PIGF: variants seen among roughly 807,000 people sequenced by gnomAD.
PIGF encodes phosphatidylinositol glycan anchor biosynthesis class F.
PIGF carries 23 observed loss-of-function variants against 26.0 expected under a neutral mutation model. That is an observed-to-expected ratio of 0.88 (90% CI 0.64 to 1.25). The LOEUF (loss-of-function observed/expected upper bound fraction) is 1.25, where lower values mean the gene tolerates loss of function less well. Ranked by LOEUF, PIGF falls within the 50% of genes most tolerant of loss-of-function variation. The pLI is 0.00. For synonymous variants in PIGF, 93 were observed against 92.6 expected (o/e 1.00, Z -0.03); for missense variants, 278 against 249.9 (o/e 1.11, Z -0.76).
At chr2:46,607,561 C>T (rs1179749773) in intron 4 of PIGF, among the ~76,000 whole-genome samples, 3 of 152,160 alleles carry the variant, frequency 2.0e-5, no homozygotes. Flanking sequence ...TTTAAAAATA[C>T]TTTATTACTA....
At chr2:46,610,592 C>T (rs1670380339) in intron 4 of PIGF, among the ~76,000 whole-genome samples, 1 of 135,048 alleles carries the variant, frequency 7.4e-6, no homozygotes, top group East Asian at 2.1e-4. Flanking sequence ...TCCAGTGGTG[C>T]GATCTCGGCT....
rs184608086 is a variant in PIGF at position 46,588,515 on chromosome 2, C to T, written c.546+3960G>A. On this transcript the variant is annotated intron_variant, in intron 5 of 5. Coordinates refer to ENST00000281382, the MANE Select transcript of PIGF (RefSeq NM_002643.4). The surrounding 1 kb of genome is among the most constrained non-coding windows in gnomAD (Gnocchi z 4.1). ...GAGGGATTTTATTATTTCATCCTCA[C>T]TAGCAAGTGACAAAGCCAGGATTTC... 6 of 177,402 alleles carry T rather than the reference C, an allele frequency of 3.4e-5. No homozygotes were observed. Among genetic ancestry groups the T allele is most frequent in the African/African-American group, 1.2e-4 (5 of 41,964 alleles). The allele number at this position is 177,402 out of a possible 1,614,324, so 11.0% of individuals were successfully genotyped here. A position where few individuals can be genotyped will look rare whatever the true frequency, so the allele number is the denominator to read the frequency against.
Position 46,615,106 on chromosome 2 carries a change from A to G in PIGF, c.59T>C (p.Ile20Thr). 6.3e-7 allele frequency: 1 copy of G among 1,587,164 alleles called. No homozygotes were observed. Among genetic ancestry groups the G allele is most frequent in the South Asian group, 1.1e-5 (1 of 90,478 alleles). The change falls in exon 2 of 6, where the codon ATT (isoleucine) becomes ACT (threonine). Residue 20 changes from isoleucine (I) to threonine (T), a missense_variant. Ile to Thr is a moderately conservative substitution (Grantham distance 89). Transcript: ENST00000281382. Reference sequence around the variant, plus strand: ...TGATGGAATGAAGACACTTAGGATAATTGAAAATATGCATAAAAGATGGGT... The same window carrying G: ...TGATGGAATGAAGACACTTAGGATAGTTGAAAATATGCATAAAAGATGGGT... ...LYTHLLCIFS[I>T]ILSVFIPSLF...
intron 4 of PIGF, among the ~76,000 whole-genome samples, chr2:46,610,254 G>C (rs1221520301): frequency 1.3e-5 from 2 of 152,050 alleles, no homozygotes. Context: ...CATTATAGCA[G>C]AACTAATTGT....
intron 4 of PIGF, among the ~76,000 whole-genome samples, chr2:46,601,435 G>A (rs1670051497): frequency 6.6e-6 from 1 of 152,064 alleles, no homozygotes; most frequent in African/African-American, 2.4e-5. Context: ...AGACACCTGA[G>A]GGTAGTTCAT....
intron 5 of PIGF, chr2:46,582,951 C>T (rs942428520): frequency 6.6e-6 from 1 of 152,150 alleles, no homozygotes; most frequent in Non-Finnish European, 1.5e-5. Context: ...GTATCATGGC[C>T]TTATGTATGC....
Position 46,612,348 on chromosome 2 carries a change from GAAA to G in PIGF, c.321-7_321-5del. 4 of 833,682 alleles carry G rather than the reference GAAA, an allele frequency of 4.8e-6. No homozygotes were observed. The highest frequency in any genetic ancestry group is 7.2e-5 in the East Asian group (2 of 27,860). 51.6% of individuals were successfully genotyped at this position (833,682 alleles called of 1,614,324 possible). A position where few individuals can be genotyped will look rare whatever the true frequency, so the allele number is the denominator to read the frequency against. On this transcript the variant is annotated splice_polypyrimidine_tract_variant and splice_region_variant and intron_variant, in intron 3 of 5. Coordinates refer to ENST00000281382, the MANE Select transcript of PIGF (RefSeq NM_002643.4). ...TAAAAATGTTTCCAATGCCAACCTA[GAAA>G]AAAAAAAAGATTACTTTTTAAAAAA...
intron 4 of PIGF, among the ~76,000 whole-genome samples, chr2:46,605,194 A>T (rs927894516): frequency 1.3e-5 from 2 of 152,098 alleles, no homozygotes; most frequent in South Asian, 2.1e-4. Context: ...TCAACGAGTT[A>T]ATCTAATTAT....
intron 4 of PIGF, among the ~76,000 whole-genome samples, chr2:46,611,192 G>C (rs112072262): frequency 6.6e-5 from 10 of 152,144 alleles, no homozygotes; most frequent in African/African-American, 2.2e-4. Context: ...CTCAGCAAAA[G>C]AATCCTCCTA....
At chr2:46,596,105 T>G (rs1473740042) in intron 4 of PIGF, among the ~76,000 whole-genome samples, 1 of 151,210 alleles carries the variant, frequency 6.6e-6, no homozygotes, top group Admixed American at 6.6e-5. Flanking sequence ...TCCCAGCTAC[T>G]CGGGAGGCTG....
intron 4 of PIGF, among the ~76,000 whole-genome samples, chr2:46,606,928 A>C (rs1313897137): frequency 1.3e-5 from 2 of 152,224 alleles, no homozygotes; most frequent in Non-Finnish European, 2.9e-5. Context: ...AGCCACAAAA[A>C]GGAATGAAGT....
chr2:46,613,932 C>G, intron 2 of PIGF, 147 bp from the exon 3 acceptor site: 1 of 662,894 alleles, frequency 1.5e-6, no homozygotes, highest in Non-Finnish European at 2.6e-6. Context: ...ATCACATGTC[C>G]TGTACCGTCA....
chr2:46,593,234 G>A (rs1294474737), intron 4 of PIGF, among the ~76,000 whole-genome samples: 1 of 150,480 alleles, frequency 6.6e-6, no homozygotes, highest in Non-Finnish European at 1.5e-5. Flanking sequence ...CCGGGTTCAA[G>A]CGATTCTCCT....
At chr2:46,610,201 C>T (rs753236047) in intron 4 of PIGF, among the ~76,000 whole-genome samples, 1 of 152,140 alleles carries the variant, frequency 6.6e-6, no homozygotes, top group Non-Finnish European at 1.5e-5. Flanking sequence ...GTTTTTACTG[C>T]CCATTTTGTA....
intron 4 of PIGF, among the ~76,000 whole-genome samples, chr2:46,611,050 A>G (rs1260996105): frequency 6.6e-6 from 1 of 152,070 alleles, no homozygotes; most frequent in Non-Finnish European, 1.5e-5. Flanking sequence ...TCCATCATAG[A>G]TCATTCCCAT....
intron 4 of PIGF, among the ~76,000 whole-genome samples, chr2:46,598,411 G>A (rs1419428675): frequency 6.6e-6 from 1 of 151,886 alleles, no homozygotes; most frequent in Non-Finnish European, 1.5e-5. Context: ...AATCTACAGA[G>A]ATAGAAAATA....
At chr2:46,585,681 A>G (rs765013209) in intron 5 of PIGF, among the ~76,000 whole-genome samples, 5 of 152,262 alleles carry the variant, frequency 3.3e-5, no homozygotes, top group Non-Finnish European at 5.9e-5. Flanking sequence ...CTACTATGTA[A>G]TAAGTAGAAC....
rs1405110380 is a variant in PIGF at position 46,589,848 on chromosome 2, C to A, written c.546+2627G>T. On this transcript the variant is annotated intron_variant, in intron 5 of 5. Coordinates refer to ENST00000281382, the MANE Select transcript of PIGF (RefSeq NM_002643.4). The surrounding 1 kb of genome is among the most constrained non-coding windows in gnomAD (Gnocchi z 4.7). ...AAAATAACAATAACAAAAAAACAAA[C>A]AACCTTGTTTGCTGGAAATAAAAAG... is the stretch of plus-strand genomic sequence containing the variant. 6.6e-6 allele frequency among the ~76,000 whole-genome samples: 1 copy of A among 151,754 alleles called. No individual in the cohort carries two copies. Among genetic ancestry groups the A allele is most frequent in the Admixed American group, 6.6e-5 (1 of 15,250 alleles).
intron 4 of PIGF, among the ~76,000 whole-genome samples, chr2:46,600,842 G>A (rs955937481): frequency 6.6e-6 from 1 of 151,948 alleles, no homozygotes; most frequent in African/African-American, 2.4e-5. Flanking sequence ...CACAGATAAC[G>A]ATGTTCATAA....
Sources: allele counts gnomAD v4.1 joint callset (sites outside exome capture counted in the v4.1 genomes callset), GRCh38; gene constraint gnomAD v4.1.1; non-coding constraint Gnocchi (gnomAD v3.1); transcripts MANE v1.5; gene names NCBI Gene and HGNC (gene_info 2026-07-23, HGNC 2026-07-21).